Variants in IL10RB observed in about 807,000 individuals in gnomAD.
The protein encoded by IL10RB is interleukin-10 receptor subunit beta.
IL10RB carries 30 observed loss-of-function variants against 38.7 expected under a neutral mutation model. That is an observed-to-expected ratio of 0.78 (90% CI 0.58 to 1.05). IL10RB has a LOEUF of 1.05. Among genes scored for constraint, IL10RB ranks in the 50% least tolerant of loss-of-function variants. The probability of loss-of-function intolerance (pLI) is 0.00; values close to 1 mark genes in which losing one functional copy is unlikely to be tolerated. For synonymous variants in IL10RB, 142 were observed against 145.9 expected, an observed-to-expected ratio of 0.97 and a Z score of 0.19; for missense variants, 328 against 397.1, an observed-to-expected ratio of 0.83 and a Z score of 1.48.
chr21:33,294,793 G>A (rs534894221), intron 6 of IL10RB, among the ~76,000 whole-genome samples: 1 of 152,178 alleles, frequency 6.6e-6, no homozygotes, highest in South Asian at 2.1e-4. Context: ...CCGTCTAATT[G>A]TGAAGATTAA....
chr21:33,287,431 C>G (rs1350685376), intron 5 of IL10RB, among the ~76,000 whole-genome samples: 2 of 152,116 alleles, frequency 1.3e-5, no homozygotes, highest in Non-Finnish European at 2.9e-5. Flanking sequence ...TCATAGCTCA[C>G]TATCACAGCC....
chr21:33,284,816 T>C (rs1303071747), intron 5 of IL10RB, among the ~76,000 whole-genome samples: 1 of 152,200 alleles, frequency 6.6e-6, no homozygotes, highest in African/African-American at 2.4e-5. Context: ...CAGAAACAGA[T>C]ACCGCTATGC....
At chr21:33,269,187 CAGT>C (rs1989030694) in intron 2 of IL10RB, among the ~76,000 whole-genome samples, 1 of 152,246 alleles carries the variant, frequency 6.6e-6, no homozygotes, top group Non-Finnish European at 1.5e-5. Context: ...ACGGTCATCT[CAGT>C]GGTGATCTGA....
At chr21:33,294,731 G>T (rs1989557234) in intron 6 of IL10RB, among the ~76,000 whole-genome samples, 1 of 152,154 alleles carries the variant, frequency 6.6e-6, no homozygotes, top group African/African-American at 2.4e-5. Flanking sequence ...CATTAAGAGG[G>T]GTTCCATCTG....
chr21:33,279,350 G>A (rs1989237790), intron 3 of IL10RB, among the ~76,000 whole-genome samples: 1 of 152,082 alleles, frequency 6.6e-6, no homozygotes, highest in Non-Finnish European at 1.5e-5. Flanking sequence ...AAAAATAATA[G>A]AGATGCCATC....
At chr21:33,272,776 G>A (rs1012045810) in intron 2 of IL10RB, among the ~76,000 whole-genome samples, 1 of 152,192 alleles carries the variant, frequency 6.6e-6, no homozygotes, top group Admixed American at 6.6e-5. Context: ...ATGAGAGCCT[G>A]GGCTTCCTTT....
rs149218970 is a variant in IL10RB, at chr21:33,303,670, A to T, written c.130-5306A>T. Among the ~76,000 whole-genome samples the T allele has an allele frequency of 4.5e-3, 689 of 152,246 alleles. 7 individuals are homozygous for T. The highest frequency in any genetic ancestry group is 0.015 in the African/African-American group (641 of 41,560). On this transcript the variant is annotated intron_variant, in intron 1 of 1. Transcript: ENST00000609556. The stretch of plus-strand genomic sequence containing the variant: ...CTTTCATTTTTGCCTTATTGCTTCA[A>T]TTAGCCACTCTCTCCAGATTAGCTG...
chr21:33,296,847 C>T lies in IL10RB; in HGVS notation c.*490C>T. 1 of 296,712 alleles carries T rather than the reference C, an allele frequency of 3.4e-6. No individual in the cohort carries two copies. Among genetic ancestry groups the T allele is most frequent in the Non-Finnish European group, 6.6e-6 (1 of 151,888 alleles). The allele number at this position is 296,712 out of a possible 1,614,324, so 18.4% of individuals were successfully genotyped here. A position where few individuals can be genotyped will look rare whatever the true frequency, so the allele number is the denominator to read the frequency against. ...CCTATAATCCCAGCTACTCGAGTGC[C>T]TGAGGCAGGAGAATTGCATGAACCC... is the stretch of plus-strand genomic sequence containing the variant. On this transcript the variant is annotated 3_prime_UTR_variant, in exon 7 of 7. Coordinates refer to ENST00000290200, the MANE Select transcript of IL10RB (RefSeq NM_000628.5).
chr21:33,290,783 G>A (rs957485246), intron 6 of IL10RB, among the ~76,000 whole-genome samples: 1 of 152,218 alleles, frequency 6.6e-6, no homozygotes, highest in Non-Finnish European at 1.5e-5. Flanking sequence ...TACGACCAGG[G>A]GGGTCCCGCC....
At chr21:33,268,778 C>T (rs1263246330) in intron 2 of IL10RB, among the ~76,000 whole-genome samples, 1 of 152,154 alleles carries the variant, frequency 6.6e-6, no homozygotes, top group East Asian at 1.9e-4. Context: ...TTTTATCATG[C>T]GTATGTAGAT....
rs1157778821 is a variant in IL10RB, at chr21:33,268,301, C to A, written c.50-93C>A. ...CCACGTGGCCTTTGAAGACATGGAG[C>A]CATAGAGGAGAACCAAGTGCTGGAT... On this transcript the variant is annotated intron_variant, in intron 1 of 6. Transcript: ENST00000290200. 1.9e-6 allele frequency: 3 copies of A among 1,593,148 alleles called. No homozygotes were observed. In the East Asian group the frequency reaches 6.8e-5, roughly 36 times the overall value.
At chr21:33,274,693 A>G (rs1178115455) in intron 2 of IL10RB, among the ~76,000 whole-genome samples, 1 of 152,202 alleles carries the variant, frequency 6.6e-6, no homozygotes, top group Non-Finnish European at 1.5e-5. Flanking sequence ...CTGGGCTTAA[A>G]ATATTCAGTA....
intron 3 of IL10RB, 42 bp from the exon 4 acceptor site, chr21:33,279,710 A>C (rs747270365): frequency 6.3e-7 from 1 of 1,582,546 alleles, no homozygotes; most frequent in East Asian, 2.2e-5. Flanking sequence ...AAGTTTTTAA[A>C]ATGTGATTTT....
At chr21:33,288,025 T>C (rs1989407012) in intron 5 of IL10RB, 79 bp from the exon 6 acceptor site, 1 of 1,331,526 alleles carries the variant, frequency 7.5e-7, no homozygotes, top group Non-Finnish European at 1.1e-6. Context: ...TTTTCAGGGA[T>C]TGTGATGGTT....
rs368740217 is a variant in IL10RB at position 33,288,195 on chromosome 21, G to A, written c.738G>A (p.Trp246Ter). The A allele has an allele frequency of 6.2e-7, 1 of 1,614,088 alleles. No individual in the cohort carries two copies. The highest frequency in any genetic ancestry group is 8.5e-7 in the Non-Finnish European group (1 of 1,179,980). Residue 246 changes from tryptophan (W) to a stop codon, truncating the protein, a stop_gained, in exon 6 of 7, where the codon TGG becomes TGA. Transcript: ENST00000290200. LOFTEE classifies it high-confidence loss of function. ...TCCTCGGCTGCTTCGCCTTGCTGTG[G>A]TGCGTTTACAAGAAGACAAAGTACG... ...LALLGCFALL[W>*]CVYKKTKYAF...
rs774118786 is a variant in IL10RB, at chr21:33,288,238, T to G, written c.781T>G (p.Ser261Ala). 5 of 1,614,122 alleles carry G rather than the reference T, an allele frequency of 3.1e-6. No individual in the cohort carries two copies. The highest frequency in any genetic ancestry group is 3.4e-6 in the Non-Finnish European group (4 of 1,180,000). Reference protein sequence around the residue: ...KTKYAFSPRNSLPQHLKEFLG... With the variant: ...KTKYAFSPRNALPQHLKEFLG... ...AAAGTACGCCTTCTCCCCTAGGAATTCTCTTCCACAGCACCTGAAAGAGGT... is the reference window on the plus strand; with the variant it reads ...AAAGTACGCCTTCTCCCCTAGGAATGCTCTTCCACAGCACCTGAAAGAGGT... Residue 261 changes from serine to alanine, a missense_variant, in exon 6 of 7, where the codon TCT (serine) becomes GCT (alanine). By Grantham distance (99) the Ser-to-Ala change is moderately conservative. Transcript: ENST00000290200.
chr21:33,267,672 C>T (rs753171169), intron 1 of IL10RB, among the ~76,000 whole-genome samples: 3 of 151,628 alleles, frequency 2.0e-5, no homozygotes, highest in Admixed American at 1.3e-4. Flanking sequence ...TGTGCCACTA[C>T]GCCTGGCTAA....
At chr21:33,305,887 A>G (rs926671919) in intron 1 of IL10RB, among the ~76,000 whole-genome samples, 11 of 152,080 alleles carry the variant, frequency 7.2e-5, no homozygotes, top group Admixed American at 3.3e-4. Context: ...GCTGGAGTGC[A>G]GTGGCACAAT....
intron 1 of IL10RB, among the ~76,000 whole-genome samples, chr21:33,303,350 CTTTTTTTTTTTTT>C (rs11340111): frequency 1.8e-5 from 2 of 109,972 alleles, no homozygotes; most frequent in East Asian, 2.7e-4. Context: ...CTGTTACTTT[CTTTTTTTTTTTTT>C]TTTTTTTTTG....
Sources: allele counts gnomAD v4.1 joint callset (sites outside exome capture counted in the v4.1 genomes callset), GRCh38; gene constraint gnomAD v4.1.1; transcripts MANE v1.5; gene names NCBI Gene and HGNC (gene_info 2026-07-23, HGNC 2026-07-21).